Variants in DAB1 observed in about 807,000 individuals in gnomAD.
DAB1 encodes the protein DAB adaptor protein 1, also known as disabled homolog 1.
DAB1 carries 15 observed loss-of-function variants against 64.6 expected under a neutral mutation model. The observed-to-expected ratio is 0.23, with a 90% CI of 0.16 to 0.36. DAB1 has a LOEUF of 0.36. DAB1 is among the 10% of genes least tolerant of loss of function. DAB1 has a pLI of 1.00. For synonymous variants in DAB1, 235 were observed against 251.9 expected (o/e 0.93, Z 0.64); for missense variants, 596 against 706.7 (o/e 0.84, Z 1.78).
At chr1:57,283,976 G>A (rs186956731) in intron 2 of DAB1, among the ~76,000 whole-genome samples, 1 of 152,206 alleles carries the variant, frequency 6.6e-6, no homozygotes, top group East Asian at 1.9e-4. Flanking sequence ...ATTCCAGAGA[G>A]GTTATTCACG....
intron 7 of DAB1, among the ~76,000 whole-genome samples, chr1:57,571,359 T>C (rs2691461): frequency 0.68 from 103,014 of 152,122 alleles, 35,496 homozygotes; most frequent in South Asian, 0.79. Context: ...CTGCCTTTAG[T>C]GTCATCCTTA....
intron 7 of DAB1, among the ~76,000 whole-genome samples, chr1:57,431,143 C>CAAAAAAAAAAAAAAAA (rs77701798): frequency 3.1e-5 from 3 of 96,362 alleles, no homozygotes; most frequent in Non-Finnish European, 4.4e-5. Flanking sequence ...AGGCCAAAAA[C>CAAAAAAAAAAAAAAAA]AAAAAAAAAA....
chr1:58,467,186 G>A (rs1645305720), intron 3 of DAB1, among the ~76,000 whole-genome samples: 2 of 152,184 alleles, frequency 1.3e-5, no homozygotes, highest in Admixed American at 1.3e-4. Flanking sequence ...CCCAAGTTGT[G>A]AGGATAACGC....
At chr1:58,524,099 A>G (rs1646312239) in intron 2 of DAB1, among the ~76,000 whole-genome samples, 1 of 152,210 alleles carries the variant, frequency 6.6e-6, no homozygotes, top group East Asian at 1.9e-4. Context: ...TAAGGAAAGT[A>G]CTTACAAATC....
At chr1:57,034,502 G>A (rs957544757) in intron 9 of DAB1, among the ~76,000 whole-genome samples, 1 of 152,076 alleles carries the variant, frequency 6.6e-6, no homozygotes, top group Non-Finnish European at 1.5e-5. Flanking sequence ...GCTGGTAGAG[G>A]GTCTGGCACA....
At chr1:57,479,601 GTC>G (rs1347673632) in intron 7 of DAB1, among the ~76,000 whole-genome samples, 1 of 152,064 alleles carries the variant, frequency 6.6e-6, no homozygotes, top group Non-Finnish European at 1.5e-5. Flanking sequence ...GGGACAGCTT[GTC>G]TCTCTATACT....
At chr1:57,119,750 G>A (rs1050782020) in intron 4 of DAB1, among the ~76,000 whole-genome samples, 13 of 152,030 alleles carry the variant, frequency 8.6e-5, no homozygotes, top group Non-Finnish European at 1.6e-4. Context: ...AAATCATCTT[G>A]TCCATCCCCA....
At chr1:57,166,025 A>G (rs1433568221) in intron 2 of DAB1, among the ~76,000 whole-genome samples, 1 of 152,228 alleles carries the variant, frequency 6.6e-6, no homozygotes, top group Non-Finnish European at 1.5e-5. Flanking sequence ...ACTCCAGAAC[A>G]AATCTTTTAA....
At chr1:57,286,844 C>T (rs901943559) in intron 2 of DAB1, among the ~76,000 whole-genome samples, 1 of 151,992 alleles carries the variant, frequency 6.6e-6, no homozygotes, top group Non-Finnish European at 1.5e-5. Context: ...ATCAAACCCA[C>T]CAGGGTGTAG....
intron 7 of DAB1, among the ~76,000 whole-genome samples, chr1:57,601,159 C>T (rs1373222013): frequency 6.6e-6 from 1 of 152,128 alleles, no homozygotes; most frequent in African/African-American, 2.4e-5. Context: ...TCAGTTCATC[C>T]ACCTTTAGGG....
chr1:58,479,761 C>T (rs1645454654), intron 3 of DAB1, among the ~76,000 whole-genome samples: 2 of 152,032 alleles, frequency 1.3e-5, no homozygotes, highest in South Asian at 4.1e-4. Context: ...AAAAAATGGA[C>T]AGATTTGTAG....
intron 5 of DAB1, chr1:58,056,269 A>G: frequency 7.6e-7 from 1 of 1,323,488 alleles, no homozygotes; most frequent in Non-Finnish European, 1.1e-6. Flanking sequence ...ACAGTAATGT[A>G]GCTTCACATA....
rs532491666 is a variant in DAB1 at position 58,332,157 on chromosome 1, T to G, written n.309+11195A>C. Among the ~76,000 whole-genome samples the G allele has an allele frequency of 3.8e-3, 576 of 152,292 alleles. 5 individuals are homozygous for G. The highest frequency in any genetic ancestry group is 0.013 in the African/African-American group (540 of 41,552). On this transcript the variant is annotated intron_variant and non_coding_transcript_variant, in intron 4 of 20. Coordinates refer to the DAB1 transcript ENST00000485760. ...TCTCGATGTGGCTAACTCCAGTATTTTTTTTGGTCTACATCTTGCCTGATT... is the reference window on the plus strand; with the variant it reads ...TCTCGATGTGGCTAACTCCAGTATTGTTTTTGGTCTACATCTTGCCTGATT...
At chr1:57,537,692 A>C (rs947275515) in intron 7 of DAB1, among the ~76,000 whole-genome samples, 2 of 152,110 alleles carry the variant, frequency 1.3e-5, no homozygotes, top group Non-Finnish European at 2.9e-5. Flanking sequence ...TTAGACTGTA[A>C]GTTCTTTGAA....
intron 5 of DAB1, among the ~76,000 whole-genome samples, chr1:58,146,186 G>A (rs968745827): frequency 7.2e-5 from 11 of 152,120 alleles, no homozygotes; most frequent in East Asian, 1.9e-4. Context: ...ATTAGTAATC[G>A]TGTTTTTGGG....
intron 8 of DAB1, among the ~76,000 whole-genome samples, chr1:57,063,834 A>C (rs1462659868): frequency 6.6e-6 from 1 of 152,260 alleles, no homozygotes; most frequent in African/African-American, 2.4e-5. Flanking sequence ...TTTTCAAATG[A>C]GTCAACCAAG....
intron 1 of DAB1, among the ~76,000 whole-genome samples, chr1:57,342,731 G>T (rs189093596): frequency 1.8e-3 from 273 of 152,282 alleles, no homozygotes; most frequent in South Asian, 2.1e-3. Context: ...TCTTCCTTAT[G>T]GTGGGTTCGT....
At chr1:57,612,081 C>A (rs1645733286) in intron 7 of DAB1, among the ~76,000 whole-genome samples, 1 of 152,156 alleles carries the variant, frequency 6.6e-6, no homozygotes, top group South Asian at 2.1e-4. Context: ...CATTCCCTCA[C>A]TCATTCAGCT....
At chr1:57,066,367 G>A (rs1254696792) in intron 8 of DAB1, among the ~76,000 whole-genome samples, 1 of 152,148 alleles carries the variant, frequency 6.6e-6, no homozygotes, top group Non-Finnish European at 1.5e-5. Flanking sequence ...TTATTGGAAG[G>A]ATCAAAATTA....
Sources: gnomAD v4.1 joint callset for allele counts (sites outside exome capture counted in the v4.1 genomes callset) on GRCh38, gnomAD v4.1.1 for gene constraint, MANE v1.5 for transcripts, NCBI Gene and HGNC (gene_info 2026-07-23, HGNC 2026-07-21) for gene names.